CUX1: variants seen among roughly 807,000 people sequenced by gnomAD.
CUX1 encodes the protein protein CASP.
Under a neutral mutation model 158.8 loss-of-function variants are expected in CUX1, and 31 were observed. That is an observed-to-expected ratio of 0.20 (90% CI 0.15 to 0.26). The LOEUF is 0.26. Among genes scored for constraint, CUX1 ranks in the 10% least tolerant of loss-of-function variants. The probability of loss-of-function intolerance (pLI) is 1.00; values close to 1 mark genes in which losing one functional copy is unlikely to be tolerated. For missense variants in CUX1, 1,589 were observed against 2,014.6 expected (o/e 0.79, Z 4.04); for synonymous variants, 879 against 862.1 (o/e 1.02, Z -0.34).
intron 2 of CUX1, among the ~76,000 whole-genome samples, chr7:102,020,326 G>A (rs867333186): frequency 6.6e-6 from 1 of 152,316 alleles, no homozygotes; most frequent in Non-Finnish European, 1.5e-5. Flanking sequence ...GAGATGGGAA[G>A]TGACGGTTTC....
At chr7:101,832,322 C>T (rs999809556) in intron 1 of CUX1, among the ~76,000 whole-genome samples, 8 of 151,964 alleles carry the variant, frequency 5.3e-5, no homozygotes, top group African/African-American at 1.5e-4. Flanking sequence ...CAGAGGGGTG[C>T]GAAAAACTGA....
In CUX1 at chr7:102,255,714, A is replaced by T; in HGVS notation, c.*6672A>T. ...TAATCAGAAGCACAGTGTGTACGGAAGCATTGGGACTTCTGCTGGTGAAAC... is the reference window on the plus strand; with the variant it reads ...TAATCAGAAGCACAGTGTGTACGGATGCATTGGGACTTCTGCTGGTGAAAC... On this transcript the variant is annotated 3_prime_UTR_variant, in exon 24 of 24. Coordinates refer to ENST00000292535, the MANE Select transcript of CUX1 (RefSeq NM_181552.4). 2 of 985,440 alleles carry T rather than the reference A, an allele frequency of 2.0e-6. No homozygotes were observed. Among genetic ancestry groups the T allele is most frequent in the Non-Finnish European group, 2.4e-6 (2 of 829,928 alleles). 61.0% of individuals were successfully genotyped at this position (985,440 alleles called of 1,614,324 possible). A position where few individuals can be genotyped will look rare whatever the true frequency, so the allele number is the denominator to read the frequency against.
intron 11 of CUX1, among the ~76,000 whole-genome samples, chr7:102,186,479 C>T (rs1427257149): frequency 2.0e-5 from 3 of 152,136 alleles, no homozygotes; most frequent in Middle Eastern, 3.4e-3. Flanking sequence ...AAAATACAGT[C>T]GTGTGTCACT....
At chr7:102,161,389 C>T (rs1187419339) in intron 9 of CUX1, 1 of 152,088 alleles carries the variant, frequency 6.6e-6, no homozygotes, top group African/African-American at 2.4e-5. Context: ...AATGTTAGTT[C>T]CGTAGCTGCT....
chr7:101,928,506 G>A (rs962869355), intron 2 of CUX1, among the ~76,000 whole-genome samples: 1 of 151,130 alleles, frequency 6.6e-6, no homozygotes, highest in African/African-American at 2.4e-5. Context: ...AAGTAGCTGG[G>A]ACTACAGGCA....
intron 8 of CUX1, among the ~76,000 whole-genome samples, chr7:102,126,981 C>T: frequency 6.6e-6 from 1 of 152,164 alleles, no homozygotes; most frequent in Admixed American, 6.5e-5. Context: ...AGATCCCTCG[C>T]ATGCGCAGTT....
At chr7:102,225,762 G>A (rs1554528420) in intron 20 of CUX1, among the ~76,000 whole-genome samples, 1 of 152,234 alleles carries the variant, frequency 6.6e-6, no homozygotes, top group African/African-American at 2.4e-5. Context: ...GGCTGAGGTG[G>A]GAGGATTGCT....
rs1205238695 is a variant in CUX1, at chr7:102,092,930, AAAGAAAG to A, written c.269-4431_269-4425del. On this transcript the variant is annotated intron_variant, in intron 4 of 23. Coordinates refer to ENST00000292535, the MANE Select transcript of CUX1 (RefSeq NM_181552.4). ...TCCGTCTCAAAAAAAAAAAAAAAAA[AAAGAAAG>A]AAAGAAAAGAAAAAAAGAGCTCCTT... Among the ~76,000 whole-genome samples, 82 of 115,684 alleles carry A rather than the reference AAAGAAAG, an allele frequency of 7.1e-4. 2 individuals are homozygous for A. The highest frequency in any genetic ancestry group is 1.5e-3 in the Admixed American group (18 of 12,296). The allele number at this position is 115,684 out of a possible 152,430, so 75.9% of individuals were successfully genotyped here.
At chr7:101,973,762 T>C (rs1181451736) in intron 2 of CUX1, among the ~76,000 whole-genome samples, 1 of 151,222 alleles carries the variant, frequency 6.6e-6, no homozygotes. Flanking sequence ...CTTTTTCTTT[T>C]TCTTTTTCTT....
intron 8 of CUX1, among the ~76,000 whole-genome samples, chr7:102,152,044 C>T (rs1452692558): frequency 6.6e-6 from 1 of 151,906 alleles, no homozygotes; most frequent in Non-Finnish European, 1.5e-5. Flanking sequence ...AACTTTGTCT[C>T]TACAAAAAAG....
At chr7:101,898,815 T>A (rs1173362302) in intron 1 of CUX1, among the ~76,000 whole-genome samples, 1 of 152,208 alleles carries the variant, frequency 6.6e-6, no homozygotes, top group Non-Finnish European at 1.5e-5. Flanking sequence ...AGTCTCGAAC[T>A]CCTGACCACA....
chr7:102,260,707 A>T (rs1310586420), downstream of CUX1, among the ~76,000 whole-genome samples: 4 of 151,282 alleles, frequency 2.6e-5, no homozygotes, highest in Admixed American at 2.7e-4. Flanking sequence ...TACAGGCGTG[A>T]GCCACCATAC....
At chr7:101,992,947 G>A (rs1815344138) in intron 2 of CUX1, among the ~76,000 whole-genome samples, 1 of 152,154 alleles carries the variant, frequency 6.6e-6, no homozygotes, top group Non-Finnish European at 1.5e-5. Flanking sequence ...CCCCGAGGGG[G>A]CCCTGGTCAT....
At chr7:102,236,906 G>A (rs1799631418) in intron 22 of CUX1, among the ~76,000 whole-genome samples, 1 of 152,330 alleles carries the variant, frequency 6.6e-6, no homozygotes, top group East Asian at 1.9e-4. Context: ...GTTTCTGCGG[G>A]GCCCAGACCT....
chr7:102,140,086 G>T (rs966903368), intron 8 of CUX1, among the ~76,000 whole-genome samples: 1 of 152,194 alleles, frequency 6.6e-6, no homozygotes, highest in Non-Finnish European at 1.5e-5. Flanking sequence ...ACAAGACACA[G>T]CATCAATAAA....
At chr7:102,168,913 A>C (rs62484924) in intron 9 of CUX1, among the ~76,000 whole-genome samples, 12,250 of 108,084 alleles carry the variant, frequency 0.11, 846 homozygotes, top group African/African-American at 0.16. Flanking sequence ...CTTTTCTTTT[A>C]TTTTCTTTTC....
intron 4 of CUX1, among the ~76,000 whole-genome samples, chr7:102,083,497 G>T (rs1200191616): frequency 1.4e-5 from 2 of 146,778 alleles, no homozygotes; most frequent in African/African-American, 4.9e-5. Context: ...CTAGACATGA[G>T]GTCTAGCTGT....
intron 2 of CUX1, among the ~76,000 whole-genome samples, chr7:101,972,854 G>C (rs977697793): frequency 2.6e-5 from 4 of 152,172 alleles, no homozygotes; most frequent in Admixed American, 6.5e-5. Context: ...GCCCTTCTTG[G>C]CATTCAAAGT....
At chr7:102,139,896 G>A (rs1211870794) in intron 8 of CUX1, among the ~76,000 whole-genome samples, 1 of 151,790 alleles carries the variant, frequency 6.6e-6, no homozygotes, top group Admixed American at 6.6e-5. Flanking sequence ...GGCCTCAAGC[G>A]ATCCTCCAGC....
Sources: allele counts gnomAD v4.1 joint callset (sites outside exome capture counted in the v4.1 genomes callset), GRCh38; gene constraint gnomAD v4.1.1; transcripts MANE v1.5; gene names NCBI Gene and HGNC (gene_info 2026-07-23, HGNC 2026-07-21).